Variants in CLSTN2 observed in about 807,000 individuals in gnomAD.
CLSTN2 encodes calsyntenin-2.
A neutral mutation model predicts 101.2 loss-of-function variants in CLSTN2; 48 were observed. That is an observed-to-expected ratio of 0.47 (90% CI 0.38 to 0.60). The LOEUF (loss-of-function observed/expected upper bound fraction) is 0.60. Ranked by LOEUF, CLSTN2 falls within the 20% of genes least tolerant of loss-of-function variation. The pLI is 0.00. For synonymous variants in CLSTN2, 481 were observed against 463.6 expected, an observed-to-expected ratio of 1.04 and a Z score of -0.48; for missense variants, 1,160 against 1,238.2, an observed-to-expected ratio of 0.94 and a Z score of 0.95.
At chr3:140,229,419 C>T (rs2350512) in intron 2 of CLSTN2, among the ~76,000 whole-genome samples, 77,158 of 151,754 alleles carry the variant, frequency 0.51, 20,375 homozygotes, top group East Asian at 0.88. Flanking sequence ...GCTGGAGCTG[C>T]TGTGGGGTCT....
intron 1 of CLSTN2, among the ~76,000 whole-genome samples, chr3:139,977,128 A>T (rs1005052506): frequency 6.6e-6 from 1 of 152,174 alleles, no homozygotes; most frequent in African/African-American, 2.4e-5. Flanking sequence ...AGGTGAGAAT[A>T]TGAGTCAGTG....
At chr3:140,132,484 A>C (rs1026794379) in intron 1 of CLSTN2, among the ~76,000 whole-genome samples, 1 of 152,170 alleles carries the variant, frequency 6.6e-6, no homozygotes, top group Non-Finnish European at 1.5e-5. Context: ...GAGAAAGTAC[A>C]TGGACCACGG....
chr3:140,317,211 T>C (rs1285297372), intron 2 of CLSTN2, among the ~76,000 whole-genome samples: 7 of 152,142 alleles, frequency 4.6e-5, no homozygotes, highest in Admixed American at 2.6e-4. Context: ...GTGGACCAGA[T>C]GGCTCAGTTA....
chr3:140,175,358 A>G (rs1444974844), intron 1 of CLSTN2, among the ~76,000 whole-genome samples: 1 of 152,198 alleles, frequency 6.6e-6, no homozygotes, highest in Non-Finnish European at 1.5e-5. Context: ...ACTGAGATAC[A>G]CAGTTTTTAA....
At chr3:140,222,252 T>G (rs1335926084) in intron 2 of CLSTN2, among the ~76,000 whole-genome samples, 1 of 151,928 alleles carries the variant, frequency 6.6e-6, no homozygotes, top group Non-Finnish European at 1.5e-5. Flanking sequence ...CACTTATTAG[T>G]AAGAGCTAAA....
chr3:140,354,497 A>G (rs2087643363), intron 2 of CLSTN2, among the ~76,000 whole-genome samples: 1 of 151,880 alleles, frequency 6.6e-6, no homozygotes, highest in Non-Finnish European at 1.5e-5. Context: ...ACATTGACAA[A>G]TTTCCTAGAG....
intron 1 of CLSTN2, among the ~76,000 whole-genome samples, chr3:139,970,596 G>C (rs554808351): frequency 9.2e-5 from 14 of 152,170 alleles, no homozygotes; most frequent in South Asian, 2.1e-4. Context: ...GATGATGCTT[G>C]TCACAAATGA....
intron 11 of CLSTN2, among the ~76,000 whole-genome samples, chr3:140,558,400 G>A (rs141359560): frequency 3.7e-4 from 57 of 152,294 alleles, no homozygotes; most frequent in African/African-American, 1.3e-3. Context: ...TCATGGTTAC[G>A]TGTTGCTCAT....
rs961279511 is a variant in CLSTN2 at position 140,175,842 on chromosome 3, T to C, written c.110-109T>C. The C allele has an allele frequency of 1.6e-5, 17 of 1,038,568 alleles. No individual in the cohort carries two copies. The African/African-American group carries it at 2.6e-4, about 16-fold the overall frequency. 64.3% of individuals were successfully genotyped at this position (1,038,568 alleles called of 1,614,324 possible). A position where few individuals can be genotyped will look rare whatever the true frequency, so the allele number is the denominator to read the frequency against. On this transcript the variant is annotated intron_variant, in intron 1 of 16. Transcript: ENST00000458420. ...ACATGTTCCATGTCTCTCATGGGAT[T>C]GTTGGATGAGAGTCTATGATTGGGC...
chr3:140,415,931 G>A (rs1201090101), intron 4 of CLSTN2, among the ~76,000 whole-genome samples: 1 of 152,122 alleles, frequency 6.6e-6, no homozygotes, highest in Non-Finnish European at 1.5e-5. Flanking sequence ...ATTCACAATA[G>A]CAAAGATGCA....
intron 7 of CLSTN2, among the ~76,000 whole-genome samples, chr3:140,463,744 T>G (rs750426582): frequency 6.6e-6 from 1 of 152,184 alleles, no homozygotes; most frequent in Admixed American, 6.5e-5. Context: ...GAGAGCAGGT[T>G]CCCTGGTACA....
At chr3:140,564,176 G>A (rs368922034) in intron 16 of CLSTN2, 31 bp downstream of exon 16, 1 of 1,605,680 alleles carries the variant, frequency 6.2e-7, no homozygotes, top group African/African-American at 1.3e-5. Flanking sequence ...GGAGTTCTGG[G>A]TGGGGTGCTT....
intron 2 of CLSTN2, among the ~76,000 whole-genome samples, chr3:140,378,086 C>T (rs2087936817): frequency 6.6e-6 from 1 of 152,172 alleles, no homozygotes; most frequent in African/African-American, 2.4e-5. Flanking sequence ...AGATTTGTTG[C>T]CTGTGAACAA....
At chr3:140,011,978 A>G (rs934900352) in intron 1 of CLSTN2, among the ~76,000 whole-genome samples, 1 of 152,096 alleles carries the variant, frequency 6.6e-6, no homozygotes, top group Admixed American at 6.6e-5. Flanking sequence ...CACTGGAGAA[A>G]ACCTGAGATT....
chr3:140,323,802 A>C (rs1156641856), intron 2 of CLSTN2, among the ~76,000 whole-genome samples: 1 of 152,246 alleles, frequency 6.6e-6, no homozygotes, highest in Non-Finnish European at 1.5e-5. Context: ...TTTAATAAGA[A>C]GTCTGGCTGT....
intron 2 of CLSTN2, among the ~76,000 whole-genome samples, chr3:140,248,269 A>G (rs927789863): frequency 6.6e-6 from 1 of 152,210 alleles, no homozygotes. Flanking sequence ...GTAGACACAA[A>G]CCATACTGCT....
intron 1 of CLSTN2, among the ~76,000 whole-genome samples, chr3:140,126,411 C>T (rs2009430868): frequency 1.3e-5 from 2 of 152,050 alleles, no homozygotes; most frequent in South Asian, 4.2e-4. Context: ...CACCTCCAGA[C>T]CCTGACATGT....
At chr3:140,012,082 C>G (rs1343152907) in intron 1 of CLSTN2, among the ~76,000 whole-genome samples, 2 of 152,116 alleles carry the variant, frequency 1.3e-5, no homozygotes, top group Non-Finnish European at 2.9e-5. Flanking sequence ...GAGTAAGGTG[C>G]ACAAGGAAGA....
intron 1 of CLSTN2, among the ~76,000 whole-genome samples, chr3:140,087,850 T>G (rs1286268065): frequency 6.6e-6 from 1 of 152,056 alleles, no homozygotes; most frequent in East Asian, 1.9e-4. Flanking sequence ...GGTGAGGAGT[T>G]TGGGGCAAAG....
Sources: gnomAD v4.1 joint callset for allele counts (sites outside exome capture counted in the v4.1 genomes callset) on GRCh38, gnomAD v4.1.1 for gene constraint, MANE v1.5 for transcripts, NCBI Gene and HGNC (gene_info 2026-07-23, HGNC 2026-07-21) for gene names.